GALNT17: variants seen among roughly 807,000 people sequenced by gnomAD.
GALNT17 encodes polypeptide N-acetylgalactosaminyltransferase 17.
A neutral mutation model predicts 63.7 loss-of-function variants in GALNT17; 29 were observed. That is an observed-to-expected ratio of 0.46 (90% CI 0.34 to 0.62). GALNT17 has a LOEUF of 0.62. Among genes scored for constraint, GALNT17 ranks in the 20% least tolerant of loss-of-function variants. The probability of loss-of-function intolerance (pLI) is 0.01; values close to 1 mark genes in which losing one functional copy is unlikely to be tolerated. For missense variants in GALNT17, 603 were observed against 799.6 expected (o/e 0.75, Z 2.97); for synonymous variants, 305 against 318.3 (o/e 0.96, Z 0.45).
intron 1 of GALNT17, among the ~76,000 whole-genome samples, chr7:71,133,813 A>C (rs1787732641): frequency 6.6e-6 from 1 of 152,148 alleles, no homozygotes; most frequent in East Asian, 1.9e-4. Context: ...ATTGGACACT[A>C]GCTGTCCCCA....
chr7:71,317,281 T>C (rs968700440), intron 1 of GALNT17, among the ~76,000 whole-genome samples: 6 of 152,198 alleles, frequency 3.9e-5, no homozygotes, highest in African/African-American at 7.2e-5. Flanking sequence ...GGTCAGATGA[T>C]GCCTCGTGCT....
chr7:71,183,082 A>T (rs1013541278), intron 1 of GALNT17, among the ~76,000 whole-genome samples: 3 of 152,130 alleles, frequency 2.0e-5, no homozygotes, highest in Admixed American at 2.0e-4. Flanking sequence ...CATGACCCAG[A>T]TGTGCAGAGT....
At position 71,181,380 on chromosome 7, in the gene GALNT17, A is replaced by G. The variant is rs990838581; in HGVS notation, c.238+48340A>G. On this transcript the variant is annotated intron_variant, in intron 1 of 10. Coordinates refer to ENST00000333538, the MANE Select transcript of GALNT17 (RefSeq NM_022479.3). ...ACTGAGAGGAAATAGGAGTCTGGAT[A>G]TAGGACAGAAAAGAAAAGGGAGGGT... is the stretch of plus-strand genomic sequence containing the variant. Among the ~76,000 whole-genome samples, 11 of 152,320 alleles carry G rather than the reference A, an allele frequency of 7.2e-5. No homozygotes were observed. In the South Asian group the frequency reaches 8.3e-4, roughly 11 times the overall value.
At chr7:71,426,694 G>A (rs1388620098) in intron 5 of GALNT17, among the ~76,000 whole-genome samples, 1 of 152,118 alleles carries the variant, frequency 6.6e-6, no homozygotes, top group Non-Finnish European at 1.5e-5. Context: ...GCCGAGGTGG[G>A]CTGATAACTG....
intron 5 of GALNT17, among the ~76,000 whole-genome samples, chr7:71,431,436 C>T (rs1786865106): frequency 6.6e-6 from 1 of 152,040 alleles, no homozygotes; most frequent in Admixed American, 6.6e-5. Flanking sequence ...TCTCAAACTC[C>T]TAACCTCAAG....
chr7:71,484,481 C>T (rs1372826617), intron 5 of GALNT17, among the ~76,000 whole-genome samples: 1 of 152,006 alleles, frequency 6.6e-6, no homozygotes, highest in African/African-American at 2.4e-5. Flanking sequence ...GAGTGAGACT[C>T]TGCCTCAAAA....
At chr7:71,285,270 TAA>T (rs1790852944) in intron 1 of GALNT17, among the ~76,000 whole-genome samples, 3 of 152,352 alleles carry the variant, frequency 2.0e-5, no homozygotes, top group African/African-American at 7.2e-5. Context: ...CCTTTTCTAT[TAA>T]TAAAGAGAAT....
intron 1 of GALNT17, among the ~76,000 whole-genome samples, chr7:71,273,563 A>G (rs1297401450): frequency 6.6e-6 from 1 of 152,228 alleles, no homozygotes; most frequent in African/African-American, 2.4e-5. Flanking sequence ...GGTTGAATCA[A>G]GGTAGACAAT....
chr7:71,216,534 A>G (rs1017262376), intron 1 of GALNT17, among the ~76,000 whole-genome samples: 4 of 152,044 alleles, frequency 2.6e-5, no homozygotes, highest in East Asian at 1.9e-4. Context: ...ACACACACAC[A>G]TATACGTATA....
intron 1 of GALNT17, among the ~76,000 whole-genome samples, chr7:71,178,557 G>A (rs1222455034): frequency 2.0e-5 from 3 of 151,992 alleles, no homozygotes; most frequent in Non-Finnish European, 4.4e-5. Context: ...CACAGGTCTG[G>A]GAGGCTCTGT....
intron 5 of GALNT17, among the ~76,000 whole-genome samples, chr7:71,424,725 A>T (rs1266353208): frequency 6.6e-6 from 1 of 152,174 alleles, no homozygotes; most frequent in Non-Finnish European, 1.5e-5. Flanking sequence ...GTCCTTCTGA[A>T]ATTATTAAGC....
At chr7:71,449,176 G>T (rs1026465095) in intron 5 of GALNT17, among the ~76,000 whole-genome samples, 1 of 123,468 alleles carries the variant, frequency 8.1e-6, no homozygotes, top group African/African-American at 3.0e-5. Flanking sequence ...GCAGTGGCGC[G>T]ATCTTGGCTC....
At chr7:71,456,202 C>T (rs912668375) in intron 5 of GALNT17, among the ~76,000 whole-genome samples, 3 of 151,774 alleles carry the variant, frequency 2.0e-5, no homozygotes, top group Non-Finnish European at 2.9e-5. Flanking sequence ...GGCGAGATCG[C>T]ACCACTGCAC....
intron 6 of GALNT17, among the ~76,000 whole-genome samples, chr7:71,602,353 G>A (rs1255410069): frequency 6.6e-6 from 1 of 152,118 alleles, no homozygotes; most frequent in African/African-American, 2.4e-5. Context: ...TGTTGCTGCA[G>A]AGGCAGCTCC....
At chr7:71,166,303 T>C (rs889058729) in intron 1 of GALNT17, among the ~76,000 whole-genome samples, 1 of 150,654 alleles carries the variant, frequency 6.6e-6, no homozygotes, top group Non-Finnish European at 1.5e-5. Flanking sequence ...CACCTCTCTT[T>C]ATTATTTACT....
At chr7:71,496,617 G>GGTGA (rs1788098799) in intron 5 of GALNT17, among the ~76,000 whole-genome samples, 1 of 152,116 alleles carries the variant, frequency 6.6e-6, no homozygotes, top group Non-Finnish European at 1.5e-5. Flanking sequence ...CATGAGGGAG[G>GGTGA]GTGAGGAGGA....
At chr7:71,580,979 C>T (rs1463064059) in intron 6 of GALNT17, among the ~76,000 whole-genome samples, 2 of 152,030 alleles carry the variant, frequency 1.3e-5, no homozygotes, top group Admixed American at 1.3e-4. Flanking sequence ...GCTATAAAGA[C>T]ATACCTGAGA....
At chr7:71,534,513 GGT>G (rs1198586054) in intron 5 of GALNT17, among the ~76,000 whole-genome samples, 1 of 150,710 alleles carries the variant, frequency 6.6e-6, no homozygotes, top group Non-Finnish European at 1.5e-5. Context: ...GCAGGAGAAT[GGT>G]GTGAACCCAG....
At chr7:71,586,273 A>T (rs964526251) in intron 6 of GALNT17, among the ~76,000 whole-genome samples, 1 of 152,182 alleles carries the variant, frequency 6.6e-6, no homozygotes, top group African/African-American at 2.4e-5. Context: ...ATCACATCTT[A>T]TAGTCTCTAT....
Sources: gnomAD v4.1 joint callset for allele counts (sites outside exome capture counted in the v4.1 genomes callset) on GRCh38, gnomAD v4.1.1 for gene constraint, MANE v1.5 for transcripts, NCBI Gene and HGNC (gene_info 2026-07-23, HGNC 2026-07-21) for gene names.